Variants in SPTA1 observed in about 807,000 individuals in gnomAD.
SPTA1 encodes spectrin alpha chain, erythrocytic 1.
Under a neutral mutation model 324.7 loss-of-function variants are expected in SPTA1, and 177 were observed. The observed-to-expected ratio is 0.55, with a 90% CI of 0.48 to 0.62. SPTA1 has a LOEUF of 0.62. Ranked by LOEUF, SPTA1 falls within the 20% of genes least tolerant of loss-of-function variation. SPTA1 has a pLI of 0.00. For missense variants in SPTA1, 3,162 were observed against 2,883.6 expected, an observed-to-expected ratio of 1.10 and a Z score of -2.21; for synonymous variants, 1,195 against 1,041.3, an observed-to-expected ratio of 1.15 and a Z score of -2.84.
At chr1:158,647,764 C>A (rs1266005100) in intron 26 of SPTA1, 44 bp from the exon 27 acceptor site, 1 of 1,608,896 alleles carries the variant, frequency 6.2e-7, no homozygotes, top group Non-Finnish European at 8.5e-7. Flanking sequence ...AGAGACACAC[C>A]TGAATCTTAG....
In SPTA1 at chr1:158,651,880, GCTCTCT is replaced by G. The variant is rs60287443; in HGVS notation, c.3376-418_3376-413del. Among the ~76,000 whole-genome samples, 897 of 149,320 alleles carry G rather than the reference GCTCTCT, an allele frequency of 6.0e-3. 8 individuals carry two copies. The highest frequency in any genetic ancestry group is 0.02 in the African/African-American group (796 of 40,144). On this transcript the variant is annotated intron_variant, in intron 23 of 51. Coordinates refer to ENST00000643759, the MANE Select transcript of SPTA1 (RefSeq NM_003126.4). ...ATTGTAAGAAACAGCTCTAGGGAGT[GCTCTCT>G]CTCTCTCTCTCTCTCTCTCTCTCTG...
chr1:158,683,511 T>G lies in SPTA1; in HGVS notation c.265-15A>C. Reference sequence around the variant, plus strand: ...TGATATTTCCCCTAAAGTTTAGAAATCAGAGTTTTTGTCTAATGAAGCACA... The same window carrying G: ...TGATATTTCCCCTAAAGTTTAGAAAGCAGAGTTTTTGTCTAATGAAGCACA... On this transcript the variant is annotated splice_polypyrimidine_tract_variant and intron_variant, in intron 2 of 51. Transcript: ENST00000643759. The G allele has an allele frequency of 6.2e-7, 1 of 1,612,622 alleles. No homozygotes were observed. Among genetic ancestry groups the G allele is most frequent in the East Asian group, 2.2e-5 (1 of 44,824 alleles).
chr1:158,645,627 A>G, intron 27 of SPTA1, 33 bp from the exon 28 acceptor site: 1 of 1,610,860 alleles, frequency 6.2e-7, no homozygotes, highest in Non-Finnish European at 8.5e-7. Context: ...ATTGACAAGA[A>G]AACCTTGCAA....
At chr1:158,637,626 G>A (rs1026250212) in intron 36 of SPTA1, among the ~76,000 whole-genome samples, 5 of 152,014 alleles carry the variant, frequency 3.3e-5, no homozygotes, top group Non-Finnish European at 5.9e-5. Context: ...AACCTTGGTA[G>A]ATACTTTGTA....
Position 158,654,675 on chromosome 1 carries a change from C to T in SPTA1, c.2972G>A (p.Arg991His), listed in dbSNP as rs575689513. 30 of 1,613,774 alleles carry T rather than the reference C, an allele frequency of 1.9e-5. No homozygotes were observed. The highest frequency in any genetic ancestry group is 6.7e-5 in the Admixed American group (4 of 59,970). The change falls in exon 21 of 52, where the codon CGC (arginine) becomes CAC (histidine). Residue 991 changes from arginine to histidine, a missense_variant. Physicochemically the swap from Arg to His is conservative, Grantham distance 29 (BLOSUM62 0). Transcript: ENST00000643759. ...RVMALYDFQA[R>H]SPREVTMKKG... ...CTTCATGGTGACTTCTCGGGGGCTG[C>T]GGGCCTGGAAGTCATATAAAGCCAT...
At chr1:158,627,270 T>C (rs1650344372) in intron 40 of SPTA1, among the ~76,000 whole-genome samples, 1 of 152,210 alleles carries the variant, frequency 6.6e-6, no homozygotes, top group Non-Finnish European at 1.5e-5. Flanking sequence ...TCAGTGTTGT[T>C]TTCCTCTTAG....
chr1:158,654,137 A>T (rs189779710), intron 21 of SPTA1, among the ~76,000 whole-genome samples: 1 of 152,356 alleles, frequency 6.6e-6, no homozygotes, highest in East Asian at 1.9e-4. Context: ...AAATATATTT[A>T]AAAATCTCAA....
At chr1:158,628,607 A>G (rs1650450600) in intron 39 of SPTA1, among the ~76,000 whole-genome samples, 1 of 152,172 alleles carries the variant, frequency 6.6e-6, no homozygotes. Context: ...GTAAATGAAT[A>G]TTGGAAAGGT....
intron 30 of SPTA1, 108 bp downstream of exon 30, chr1:158,644,145 A>C (rs192768979): frequency 2.2e-5 from 33 of 1,483,964 alleles, no homozygotes; most frequent in Non-Finnish European, 2.8e-5. Flanking sequence ...TCAAAAAAAA[A>C]AAAAGTAAAT....
In SPTA1 at chr1:158,671,466, G is replaced by A; in HGVS notation, c.1489-13C>T. ...TTTCCAGGAAGGCCTGTAGAAGACA[G>A]AAAGACACACCTAAGCTGTGTCTGA... On this transcript the variant is annotated splice_polypyrimidine_tract_variant and intron_variant, in intron 11 of 51. Coordinates refer to ENST00000643759, the MANE Select transcript of SPTA1 (RefSeq NM_003126.4). 6.2e-7 allele frequency: 1 copy of A among 1,602,824 alleles called. No homozygotes were observed.
Position 158,636,001 on chromosome 1 carries a change from TG to T in SPTA1, c.5343del (p.Asp1781GlufsTer39). Reference protein sequence around the residue: ...NVLDMAEKLKDKAAVGQEEIQ... With the variant: ...NVLDMAEKLKXKAAVGQEEIQ... The stretch of plus-strand genomic sequence containing the variant: ...ATCTCCTCTTGCCCCACAGCAGCCT[TG>T]TCTTTCAGCTTCTCTGCCATATCCA... On this transcript the variant is annotated frameshift_variant, in exon 38 of 52. Coordinates refer to ENST00000643759, the MANE Select transcript of SPTA1 (RefSeq NM_003126.4). LOFTEE classifies it high-confidence loss of function. The T allele has an allele frequency of 6.2e-7, 1 of 1,614,172 alleles. No individual in the cohort carries two copies. Among genetic ancestry groups the T allele is most frequent in the Non-Finnish European group, 8.5e-7 (1 of 1,180,032 alleles).
intron 24 of SPTA1, 45 bp downstream of exon 24, chr1:158,651,322 A>G: frequency 7.3e-7 from 1 of 1,365,398 alleles, no homozygotes; most frequent in South Asian, 1.2e-5. Flanking sequence ...AGGACTCCCA[A>G]AGCCCAACCT....
intron 22 of SPTA1, 41 bp downstream of exon 22, chr1:158,653,229 ATGTC>A (rs1652584071): frequency 6.2e-7 from 1 of 1,613,638 alleles, no homozygotes; most frequent in African/African-American, 1.3e-5. Context: ...TTGGCGAAAA[ATGTC>A]TGACCAAATA....
At chr1:158,626,055 T>C in intron 42 of SPTA1, 91 bp downstream of exon 42, 5 of 1,233,242 alleles carry the variant, frequency 4.1e-6, no homozygotes, top group Non-Finnish European at 5.9e-6. Context: ...CTACAGACAA[T>C]AAAATCCCAA....
intron 1 of SPTA1, 125 bp from the exon 2 acceptor site, chr1:158,685,472 C>A (rs1169366363): frequency 7.4e-7 from 1 of 1,348,126 alleles, no homozygotes. Flanking sequence ...TTTCTAGGGA[C>A]TATTGTCAGA....
chr1:158,646,032 C>T (rs1404504358), intron 27 of SPTA1, among the ~76,000 whole-genome samples: 1 of 152,130 alleles, frequency 6.6e-6, no homozygotes, highest in African/African-American at 2.4e-5. Flanking sequence ...TTTGAAGATA[C>T]ATCTTATTAC....
intron 23 of SPTA1, among the ~76,000 whole-genome samples, chr1:158,651,801 C>T (rs1454880799): frequency 1.3e-5 from 2 of 151,944 alleles, no homozygotes; most frequent in African/African-American, 2.4e-5. Flanking sequence ...CCAGTACAAA[C>T]TCCAGCTTTA....
At chr1:158,617,411 C>A in intron 47 of SPTA1, 126 bp downstream of exon 47, 1 of 753,946 alleles carries the variant, frequency 1.3e-6, no homozygotes, top group Non-Finnish European at 2.4e-6. Context: ...ATGTGATGGC[C>A]TATGGTTAAA....
Position 158,683,481 on chromosome 1 carries a change from G to A in SPTA1, c.280C>T (p.His94Tyr), listed in dbSNP as rs1474509932. ...TGCACCTCTGCTTCAAGGGATTGATGCTTCTGATATTTCCCCTAAAGTTTA... is the reference window on the plus strand; with the variant it reads ...TGCACCTCTGCTTCAAGGGATTGATACTTCTGATATTTCCCCTAAAGTTTA... Reference protein sequence around the residue: ...PTNIQGKYQKHQSLEAEVQTK... With the variant: ...PTNIQGKYQKYQSLEAEVQTK... Residue 94 changes from histidine (H) to tyrosine (Y), a missense_variant, in exon 3 of 52, where the codon CAT (histidine) becomes TAT (tyrosine). Transcript: ENST00000643759. 2 of 1,613,134 alleles carry A rather than the reference G, an allele frequency of 1.2e-6. No individual in the cohort carries two copies. The highest frequency in any genetic ancestry group is 4.5e-5 in the East Asian group (2 of 44,840).
Sources: allele counts gnomAD v4.1 joint callset (sites outside exome capture counted in the v4.1 genomes callset), GRCh38; gene constraint gnomAD v4.1.1; transcripts MANE v1.5; gene names NCBI Gene and HGNC (gene_info 2026-07-23, HGNC 2026-07-21).